The following COL19A1 variants were observed in gnomAD, a reference collection of about 807,000 sequenced individuals.
COL19A1 encodes collagen alpha-1(XIX) chain.
A neutral mutation model predicts 190.2 loss-of-function variants in COL19A1; 159 were observed. The ratio of observed to expected loss-of-function variants is 0.84; its 90% CI spans 0.73 to 0.95. COL19A1 has a LOEUF of 0.95. COL19A1 is among the 40% of genes least tolerant of loss of function. The pLI, the probability that COL19A1 is intolerant of heterozygous loss-of-function variation, is 0.00. For missense variants in COL19A1, 1,418 were observed against 1,431.9 expected, an observed-to-expected ratio of 0.99 and a Z score of 0.16; for synonymous variants, 509 against 458.9, an observed-to-expected ratio of 1.11 and a Z score of -1.39.
chr6:70,180,302 G>A lies in COL19A1; in HGVS notation c.2668-10G>A. 4 of 1,614,128 alleles carry A rather than the reference G, an allele frequency of 2.5e-6. No individual in the cohort carries two copies. Among genetic ancestry groups the A allele is most frequent in the Non-Finnish European group, 3.4e-6 (4 of 1,179,992 alleles). ...GGCTCCTAACATTTCTCTTCAATTT[G>A]CCTTGCCAGGGAAAACCTGGTGCCC... is the stretch of plus-strand genomic sequence containing the variant. On this transcript the variant is annotated splice_polypyrimidine_tract_variant and intron_variant, in intron 42 of 50. Transcript: ENST00000620364.
At chr6:70,171,140 TAGG>T (rs1314633995) in intron 40 of COL19A1, among the ~76,000 whole-genome samples, 1 of 152,186 alleles carries the variant, frequency 6.6e-6, no homozygotes, top group African/African-American at 2.4e-5. Flanking sequence ...CTTAAAACAT[TAGG>T]AGATCTTTTT....
At chr6:70,052,607 C>T (rs1780268450) in intron 14 of COL19A1, among the ~76,000 whole-genome samples, 1 of 152,068 alleles carries the variant, frequency 6.6e-6, no homozygotes, top group South Asian at 2.1e-4. Flanking sequence ...GAATGCTGTC[C>T]TATTTCACAG....
intron 14 of COL19A1, among the ~76,000 whole-genome samples, chr6:70,064,694 T>C (rs1187518422): frequency 3.3e-5 from 5 of 152,172 alleles, no homozygotes; most frequent in Non-Finnish European, 7.4e-5. Flanking sequence ...GATGACATGA[T>C]TGTATATCTA....
At chr6:69,912,334 T>C (rs1770992330) in intron 4 of COL19A1, among the ~76,000 whole-genome samples, 3 of 152,216 alleles carry the variant, frequency 2.0e-5, no homozygotes, top group Admixed American at 2.0e-4. Context: ...TAAATGATAT[T>C]ATATTAACAT....
intron 15 of COL19A1, 73 bp from the exon 16 acceptor site, chr6:70,102,096 C>A: frequency 8.8e-7 from 1 of 1,140,226 alleles, no homozygotes; most frequent in Non-Finnish European, 1.3e-6. Flanking sequence ...TTCAATATTC[C>A]CATTTAATAT....
At position 70,130,207 on chromosome 6, in the gene COL19A1, G is replaced by T. The variant is rs1384452397; in HGVS notation, c.1367G>T (p.Gly456Val). ...NKGNDEHEAG[G>V]LKGDKGETGL... ...GGAAATGATGAACATGAAGCTGGAG[G>T]CCTGAAAGGAGACAAGGTAATCAGA... The change falls in exon 18 of 51, where the codon GGC becomes GTC. Residue 456 changes from glycine to valine, a missense_variant. Transcript: ENST00000620364. The T allele has an allele frequency of 6.2e-7, 1 of 1,612,222 alleles. No homozygotes were observed.
At chr6:70,074,553 G>A (rs1205526435) in intron 15 of COL19A1, among the ~76,000 whole-genome samples, 1 of 149,052 alleles carries the variant, frequency 6.7e-6, no homozygotes, top group Non-Finnish European at 1.5e-5. Flanking sequence ...CTTTAAGATA[G>A]CTTATTCCAA....
At chr6:70,108,855 C>T (rs2150196099) in intron 16 of COL19A1, among the ~76,000 whole-genome samples, 1 of 152,132 alleles carries the variant, frequency 6.6e-6, no homozygotes, top group South Asian at 2.1e-4. Flanking sequence ...AGAACTTCTT[C>T]TACCTTTAAA....
chr6:69,935,210 G>T (rs1773018897), intron 7 of COL19A1, among the ~76,000 whole-genome samples: 1 of 151,998 alleles, frequency 6.6e-6, no homozygotes, highest in Admixed American at 6.6e-5. Flanking sequence ...AATTTTTAAG[G>T]GCTAATACTG....
chr6:69,898,926 T>C (rs1769973619), intron 2 of COL19A1, 22 bp from the exon 3 acceptor site: 2 of 1,487,296 alleles, frequency 1.3e-6, no homozygotes, highest in Non-Finnish European at 1.9e-6. Flanking sequence ...AAATCCTCTA[T>C]GCTTTTTTTC....
chr6:69,869,653 C>T (rs1252119340), intron 1 of COL19A1, among the ~76,000 whole-genome samples: 1 of 151,984 alleles, frequency 6.6e-6, no homozygotes, highest in Non-Finnish European at 1.5e-5. Context: ...ATCTGTGGAA[C>T]ACAACAGAGC....
chr6:70,185,988 A>G (rs1766489950), intron 46 of COL19A1, among the ~76,000 whole-genome samples: 1 of 152,144 alleles, frequency 6.6e-6, no homozygotes, highest in South Asian at 2.1e-4. Flanking sequence ...AATACATAAT[A>G]TACACATATA....
At chr6:70,139,719 TC>T (rs1786117227) in intron 19 of COL19A1, among the ~76,000 whole-genome samples, 1 of 151,914 alleles carries the variant, frequency 6.6e-6, no homozygotes, top group African/African-American at 2.4e-5. Context: ...TGGCAAATTT[TC>T]CCCCACCATA....
chr6:69,879,763 T>A, intron 2 of COL19A1, 105 bp downstream of exon 2: 1 of 940,590 alleles, frequency 1.1e-6, no homozygotes, highest in South Asian at 1.6e-5. Context: ...TAATGTACTA[T>A]AACAGAATAA....
chr6:70,172,811 G>T (rs577889102), intron 41 of COL19A1, among the ~76,000 whole-genome samples: 1 of 152,158 alleles, frequency 6.6e-6, no homozygotes, highest in Admixed American at 6.6e-5. Context: ...CAGAGCCATC[G>T]GTGATTTCTG....
intron 12 of COL19A1, among the ~76,000 whole-genome samples, chr6:70,027,742 C>A (rs142313084): frequency 8.2e-4 from 124 of 151,924 alleles, no homozygotes; most frequent in Middle Eastern, 3.4e-3. Flanking sequence ...AAATATATGA[C>A]CTTGTCTTTA....
At chr6:70,042,239 G>A (rs557085515) in intron 14 of COL19A1, among the ~76,000 whole-genome samples, 2 of 152,030 alleles carry the variant, frequency 1.3e-5, no homozygotes, top group African/African-American at 2.4e-5. Flanking sequence ...TATCAAATTC[G>A]AATTAAAAAC....
Position 70,036,057 on chromosome 6 carries a change from G to A in COL19A1, c.1170+118G>A, listed in dbSNP as rs540851464. Reference sequence around the variant, plus strand: ...AGAGTTAAGAATTGAAGGTGACTTCGAGTACATGTAGTCAAACCTCCACAT... The same window carrying A: ...AGAGTTAAGAATTGAAGGTGACTTCAAGTACATGTAGTCAAACCTCCACAT... On this transcript the variant is annotated intron_variant, in intron 14 of 50. Transcript: ENST00000620364. 7.7e-5 allele frequency: 71 copies of A among 919,112 alleles called. No homozygotes were observed. In the East Asian group the frequency reaches 1.2e-3, roughly 16 times the overall value. The allele number at this position is 919,112 out of a possible 1,614,324, so 56.9% of individuals were successfully genotyped here.
chr6:70,044,582 A>G (rs1779807856), intron 14 of COL19A1, among the ~76,000 whole-genome samples: 3 of 152,286 alleles, frequency 2.0e-5, no homozygotes, highest in South Asian at 2.1e-4. Context: ...TAATTGACCT[A>G]ATTTCAATAT....
Sources: gnomAD v4.1 joint callset for allele counts (sites outside exome capture counted in the v4.1 genomes callset) on GRCh38, gnomAD v4.1.1 for gene constraint, MANE v1.5 for transcripts, NCBI Gene and HGNC (gene_info 2026-07-23, HGNC 2026-07-21) for gene names.